Variants in DNM3 observed in about 807,000 individuals in gnomAD.
The protein encoded by DNM3 is dynamin 3.
DNM3 carries 47 observed loss-of-function variants against 101.6 expected under a neutral mutation model. That is an observed-to-expected ratio of 0.46 (90% confidence interval 0.37 to 0.59). The LOEUF (loss-of-function observed/expected upper bound fraction) is 0.59. Among genes scored for constraint, DNM3 ranks in the 20% least tolerant of loss-of-function variants. DNM3 has a pLI of 0.00. For synonymous variants in DNM3, 385 were observed against 387.9 expected (o/e 0.99, Z 0.09); for missense variants, 849 against 1,085.7 (o/e 0.78, Z 3.06).
chr1:172,350,346 T>G (rs12143704), intron 17 of DNM3, among the ~76,000 whole-genome samples: 10,707 of 140,584 alleles, frequency 0.076, 412 homozygotes, highest in South Asian at 0.15. Flanking sequence ...GTGTGTGTGT[T>G]TGTGTGTCTT....
At chr1:172,175,487 T>A (rs1316878945) in intron 14 of DNM3, among the ~76,000 whole-genome samples, 1 of 151,756 alleles carries the variant, frequency 6.6e-6, no homozygotes, top group Non-Finnish European at 1.5e-5. Context: ...CCTAATTTCT[T>A]AAAGACCTGA....
chr1:172,137,849 A>T (rs1219113742), intron 14 of DNM3: 1 of 152,162 alleles, frequency 6.6e-6, no homozygotes, highest in African/African-American at 2.4e-5. Flanking sequence ...GCCATCCCTT[A>T]TCATTTCACT....
intron 4 of DNM3, among the ~76,000 whole-genome samples, chr1:171,995,800 A>G (rs1236005892): frequency 6.6e-6 from 1 of 152,168 alleles, no homozygotes; most frequent in African/African-American, 2.4e-5. Context: ...TTTAGATAGT[A>G]GAGGACCATT....
At chr1:172,018,485 A>C (rs2047603265) in intron 4 of DNM3, among the ~76,000 whole-genome samples, 1 of 152,116 alleles carries the variant, frequency 6.6e-6, no homozygotes, top group African/African-American at 2.4e-5. Flanking sequence ...TTAACTTACA[A>C]TTTTTTGACT....
intron 1 of DNM3, among the ~76,000 whole-genome samples, chr1:171,861,151 G>A (rs983109409): frequency 2.6e-5 from 4 of 152,130 alleles, no homozygotes; most frequent in Admixed American, 2.0e-4. Context: ...GAAGACTTAA[G>A]TGTTAAAATG....
intron 15 of DNM3, among the ~76,000 whole-genome samples, chr1:172,261,283 C>A (rs1057201005): frequency 4.6e-5 from 7 of 152,170 alleles, no homozygotes; most frequent in Admixed American, 2.0e-4. Context: ...AAGGAGAACT[C>A]TTTTCTGACA....
At chr1:172,193,824 T>C (rs145221923) in intron 14 of DNM3, among the ~76,000 whole-genome samples, 3 of 152,158 alleles carry the variant, frequency 2.0e-5, no homozygotes, top group African/African-American at 4.8e-5. Context: ...CCTGGATTCA[T>C]TGATTTTTTG....
intron 1 of DNM3, among the ~76,000 whole-genome samples, chr1:171,856,909 A>G (rs549925176): frequency 6.6e-6 from 1 of 152,220 alleles, no homozygotes; most frequent in Non-Finnish European, 1.5e-5. Context: ...AGAGTCCAAG[A>G]AAGATTTCAT....
intron 14 of DNM3, among the ~76,000 whole-genome samples, chr1:172,175,475 A>T (rs1195935026): frequency 1.3e-5 from 2 of 151,754 alleles, no homozygotes; most frequent in African/African-American, 2.4e-5. Flanking sequence ...GTAAGGTATG[A>T]TCCTAATTTC....
intron 15 of DNM3, among the ~76,000 whole-genome samples, chr1:172,284,769 G>A (rs919504574): frequency 4.6e-5 from 7 of 152,008 alleles, no homozygotes; most frequent in Admixed American, 6.6e-5. Flanking sequence ...AGTCCATTAC[G>A]GTTCTCTTAT....
At chr1:172,323,781 G>C (rs1202948381) in intron 17 of DNM3, among the ~76,000 whole-genome samples, 4 of 152,130 alleles carry the variant, frequency 2.6e-5, no homozygotes, top group Non-Finnish European at 5.9e-5. Context: ...AGTATGGCTG[G>C]CTTTGTTGAC....
At chr1:172,190,420 C>T (rs1376865982) in intron 14 of DNM3, among the ~76,000 whole-genome samples, 2 of 152,076 alleles carry the variant, frequency 1.3e-5, no homozygotes, top group African/African-American at 2.4e-5. Context: ...CATTGATGGA[C>T]ATTTGGGTTG....
intron 14 of DNM3, among the ~76,000 whole-genome samples, chr1:172,244,098 G>A (rs1420092572): frequency 6.6e-6 from 1 of 151,888 alleles, no homozygotes; most frequent in African/African-American, 2.4e-5. Context: ...TCCCACCTAT[G>A]AGTGAGAATA....
intron 1 of DNM3, among the ~76,000 whole-genome samples, chr1:171,906,925 A>C (rs1251210661): frequency 1.3e-5 from 2 of 152,232 alleles, no homozygotes; most frequent in Non-Finnish European, 2.9e-5. Context: ...ATACAGTCTC[A>C]GTCAGAGGTG....
chr1:172,061,393 G>A (rs1431942432), intron 10 of DNM3, among the ~76,000 whole-genome samples: 1 of 150,450 alleles, frequency 6.6e-6, no homozygotes, highest in African/African-American at 2.5e-5. Context: ...AAAGACATAT[G>A]CACATGTATG....
At chr1:172,215,721 C>T (rs181438764) in intron 14 of DNM3, among the ~76,000 whole-genome samples, 32 of 152,064 alleles carry the variant, frequency 2.1e-4, no homozygotes, top group African/African-American at 7.7e-4. Context: ...CAATAGTCAT[C>T]TTCTCTTACT....
rs536271743 is a variant in DNM3, at chr1:172,173,593, C to A, written c.1659+42305C>A. 2.6e-5 allele frequency among the ~76,000 whole-genome samples: 4 copies of A among 151,088 alleles called. No homozygotes were observed. In the South Asian group the frequency reaches 8.3e-4, roughly 31 times the overall value. On this transcript the variant is annotated intron_variant, in intron 14 of 20. Coordinates refer to ENST00000627582, the MANE Select transcript of DNM3 (RefSeq NM_015569.5). Reference sequence around the variant, plus strand: ...ATCCTCCCACTATAACCTCCCAAAGCACTGGGATTATAGGCTCAAAAGAGA... The same window carrying A: ...ATCCTCCCACTATAACCTCCCAAAGAACTGGGATTATAGGCTCAAAAGAGA...
chr1:171,900,528 T>G (rs902444121), intron 1 of DNM3, among the ~76,000 whole-genome samples: 2 of 152,152 alleles, frequency 1.3e-5, no homozygotes, highest in African/African-American at 4.8e-5. Flanking sequence ...AGATAAATTT[T>G]CACCACTTTT....
intron 14 of DNM3, among the ~76,000 whole-genome samples, chr1:172,233,885 G>A (rs1442274975): frequency 4.6e-5 from 7 of 152,082 alleles, no homozygotes; most frequent in African/African-American, 9.7e-5. Context: ...TTGATGGGAC[G>A]TATCTCAAAA....
Sources: gnomAD v4.1 joint callset for allele counts (sites outside exome capture counted in the v4.1 genomes callset) on GRCh38, gnomAD v4.1.1 for gene constraint, MANE v1.5 for transcripts, NCBI Gene and HGNC (gene_info 2026-07-23, HGNC 2026-07-21) for gene names.